The following PDK3 variants were observed in gnomAD, a reference collection of about 807,000 sequenced individuals.
PDK3 encodes the protein pyruvate dehydrogenase kinase, isozyme 3.
PDK3 carries 12 observed loss-of-function variants against 32.0 expected under a neutral mutation model. The observed-to-expected ratio is 0.37, with a 90% CI of 0.24 to 0.61. The LOEUF (loss-of-function observed/expected upper bound fraction) is 0.61, where lower values mean the gene tolerates loss of function less well. Among genes scored for constraint, PDK3 ranks in the 20% least tolerant of loss-of-function variants. The probability of loss-of-function intolerance (pLI) is 0.65; values close to 1 mark genes in which losing one functional copy is unlikely to be tolerated. For missense variants in PDK3, 188 were observed against 316.9 expected (o/e 0.59, Z 3.09); for synonymous variants, 122 against 116.3 (o/e 1.05, Z -0.31).
chrX:24,544,893 G>A (rs776982293), exon 12 of PDK3, among the ~76,000 whole-genome samples: 2 of 111,976 alleles, frequency 1.8e-5, no homozygotes, highest in South Asian at 3.7e-4. Flanking sequence ...CTACATTTGA[G>A]CAAACAGAAG....
At chrX:24,473,767 A>G (rs1763344098) in intron 1 of PDK3, among the ~76,000 whole-genome samples, 1 of 111,425 alleles carries the variant, frequency 9.0e-6, no homozygotes, top group Non-Finnish European at 1.9e-5. Flanking sequence ...TAACTTTCAC[A>G]TGTCTTGTTC....
intron 5 of PDK3, among the ~76,000 whole-genome samples, chrX:24,506,794 T>TTTCC (rs1231966434): frequency 2.2e-5 from 2 of 92,203 alleles, no homozygotes; most frequent in Admixed American, 1.2e-4. Flanking sequence ...ATTTTGTTTT[T>TTTCC]TTCTTTCTTT....
At chrX:24,538,753 G>A (rs1289297963), downstream of PDK3, among the ~76,000 whole-genome samples, 1 of 111,537 alleles carries the variant, frequency 9.0e-6, no homozygotes, top group Admixed American at 9.5e-5. Flanking sequence ...CAGCCTGGGC[G>A]ACAGAGCGAG....
intron 1 of PDK3, among the ~76,000 whole-genome samples, chrX:24,494,352 C>T (rs760681590): frequency 2.7e-5 from 3 of 111,986 alleles, no homozygotes; most frequent in Non-Finnish European, 5.6e-5. Flanking sequence ...TGAATGGATC[C>T]GTTGCCTCCT....
At chrX:24,537,229 G>C (rs1189094930), downstream of PDK3, among the ~76,000 whole-genome samples, 15 of 100,196 alleles carry the variant, frequency 1.5e-4, no homozygotes, top group Non-Finnish European at 1.2e-4. Flanking sequence ...CGATTCTCAT[G>C]TCTCAGCCTC....
At chrX:24,530,452 GC>G in intron 9 of PDK3, among the ~76,000 whole-genome samples, 1 of 111,667 alleles carries the variant, frequency 9.0e-6, no homozygotes, top group African/African-American at 3.3e-5. Flanking sequence ...AATCCTTATA[GC>G]AGCTCTGAGG....
intron 5 of PDK3, among the ~76,000 whole-genome samples, chrX:24,515,333 C>T (rs1033298312): frequency 8.9e-6 from 1 of 111,916 alleles, no homozygotes; most frequent in Admixed American, 9.5e-5. Context: ...CTTTGTGTTT[C>T]GAGTTGGCTG....
At chrX:24,467,365 A>T (rs187902147) in intron 1 of PDK3, among the ~76,000 whole-genome samples, 20 of 112,929 alleles carry the variant, frequency 1.8e-4, no homozygotes, top group African/African-American at 5.8e-4. Flanking sequence ...TGAACTTTCT[A>T]AAAGAAAACT....
At chrX:24,466,281 G>A (rs1019611177) in intron 1 of PDK3, among the ~76,000 whole-genome samples, 7 of 112,136 alleles carry the variant, frequency 6.2e-5, no homozygotes, top group African/African-American at 9.7e-5. Flanking sequence ...AAGAAGATTC[G>A]GGTTCCCAGC....
chrX:24,496,568 CT>C (rs763095558), intron 2 of PDK3, among the ~76,000 whole-genome samples: 1,571 of 39,244 alleles, frequency 0.04, 21 homozygotes, highest in African/African-American at 0.098. Flanking sequence ...CTACCCCCAT[CT>C]TTTTTTTTTT....
chrX:24,499,166 A>G (rs1921791219), intron 3 of PDK3: 1 of 186,764 alleles, frequency 5.4e-6, no homozygotes, highest in African/African-American at 3.0e-5. Context: ...GGCAGTCACT[A>G]TAAACACTGC....
Position 24,486,752 on chromosome X carries a change from T to G in PDK3, c.107-7990T>G, listed in dbSNP as rs960087929. The stretch of plus-strand genomic sequence containing the variant: ...CTCAAGCGATCCTCCTGCCTCAGTC[T>G]CCTAAGTAGCTGGAACTATAGTCAC... On this transcript the variant is annotated intron_variant, in intron 1 of 10. Transcript: ENST00000379162. Among the ~76,000 whole-genome samples, 5 of 111,332 alleles carry G rather than the reference T, an allele frequency of 4.5e-5. 1 individual carries two copies. Among genetic ancestry groups the G allele is most frequent in the African/African-American group, 1.6e-4 (5 of 30,574 alleles).
rs183425351 is a variant in PDK3, at chrX:24,515,299, G to A, written c.596-3634G>A. On this transcript the variant is annotated intron_variant, in intron 5 of 10. Transcript: ENST00000379162. ...ATGCTTTAAAAATTCTTATTCGCAC[G>A]TGGTTTTAGGAGCTGTACTGGGTCT... Among the ~76,000 whole-genome samples, 15 of 112,003 alleles carry A rather than the reference G, an allele frequency of 1.3e-4. No homozygotes were observed. The East Asian group carries it at 3.6e-3, about 27-fold the overall frequency.
chrX:24,476,792 A>C (rs1921125625), intron 1 of PDK3, among the ~76,000 whole-genome samples: 1 of 112,343 alleles, frequency 8.9e-6, no homozygotes, highest in African/African-American at 3.2e-5. Flanking sequence ...GAACACAGCC[A>C]TGCTCATTCA....
chrX:24,526,194 T>C lies in PDK3; in HGVS notation c.674-4T>C. On this transcript the variant is annotated splice_region_variant and splice_polypyrimidine_tract_variant and intron_variant, in intron 6 of 10. Transcript: ENST00000379162. ...TTGATTGATGGTTTTGTCTCTGTTT[T>C]CAGCCAAAGCGCCAGACAAACCTAT... 8.4e-7 allele frequency: 1 copy of C among 1,197,392 alleles called. No individual in the cohort carries two copies. The highest frequency in any genetic ancestry group is 1.8e-5 in the South Asian group (1 of 56,089).
exon 12 of PDK3, chrX:24,547,198 G>A (rs1349931816): frequency 8.9e-6 from 1 of 112,169 alleles, no homozygotes; most frequent in Non-Finnish European, 1.9e-5. Flanking sequence ...GGACTATTGG[G>A]AATATTTTTT....
At chrX:24,509,334 C>T (rs776498168) in intron 5 of PDK3, among the ~76,000 whole-genome samples, 5 of 111,004 alleles carry the variant, frequency 4.5e-5, no homozygotes, top group Non-Finnish European at 9.4e-5. Flanking sequence ...CTATATTATA[C>T]CCATTATTGC....
intron 5 of PDK3, among the ~76,000 whole-genome samples, chrX:24,512,385 G>A (rs1170014539): frequency 1.8e-5 from 2 of 111,958 alleles, no homozygotes; most frequent in Non-Finnish European, 3.8e-5. Context: ...CTCAGAGCGC[G>A]TGGCATTATT....
chrX:24,505,715 A>G (rs922867791), intron 5 of PDK3, among the ~76,000 whole-genome samples: 1 of 112,219 alleles, frequency 8.9e-6, no homozygotes, highest in Non-Finnish European at 1.9e-5. Context: ...TTTATGTGGC[A>G]TGTAAGCTTC....
Sources: allele counts gnomAD v4.1 joint callset (sites outside exome capture counted in the v4.1 genomes callset), GRCh38; gene constraint gnomAD v4.1.1; transcripts MANE v1.5; gene names NCBI Gene and HGNC (gene_info 2026-07-23, HGNC 2026-07-21).